The following CHRM5 variants were observed in gnomAD, a reference collection of about 807,000 sequenced individuals.
The protein encoded by CHRM5 is muscarinic acetylcholine receptor M5.
Under a neutral mutation model 39.0 loss-of-function variants are expected in CHRM5, and 18 were observed. That is an observed-to-expected ratio of 0.46 (90% CI 0.32 to 0.68). The LOEUF (loss-of-function observed/expected upper bound fraction) is 0.68. Ranked by LOEUF, CHRM5 falls within the 30% of genes least tolerant of loss-of-function variation. The probability of loss-of-function intolerance (pLI) is 0.04; values close to 1 mark genes in which losing one functional copy is unlikely to be tolerated. For missense variants in CHRM5, 515 were observed against 651.1 expected (o/e 0.79, Z 2.28); for synonymous variants, 241 against 246.3 (o/e 0.98, Z 0.20).
intron 2 of CHRM5, among the ~76,000 whole-genome samples, chr15:34,052,724 G>A (rs1386143727): frequency 3.3e-5 from 5 of 152,068 alleles, no homozygotes; most frequent in South Asian, 2.1e-4. Context: ...GAGCCAAATC[G>A]TGAATGAATT....
chr15:34,004,192 AG>A (rs1188815588), intron 1 of CHRM5, among the ~76,000 whole-genome samples: 1 of 152,264 alleles, frequency 6.6e-6, no homozygotes, highest in Non-Finnish European at 1.5e-5. Context: ...GGTATAAAAA[AG>A]TTCCCTGTAT....
chr15:34,041,591 T>C (rs1013869766), intron 1 of CHRM5, among the ~76,000 whole-genome samples: 2 of 152,230 alleles, frequency 1.3e-5, no homozygotes, highest in African/African-American at 4.8e-5. Context: ...TACTTTCAAC[T>C]AGTCAGTGTA....
intron 1 of CHRM5, chr15:33,972,022 C>T (rs1022196466): frequency 6.6e-6 from 1 of 152,088 alleles, no homozygotes; most frequent in Middle Eastern, 3.2e-3. Flanking sequence ...CAAGTCATAT[C>T]ACCAAGACAC....
chr15:33,987,867 C>A (rs1007280987), intron 1 of CHRM5, among the ~76,000 whole-genome samples: 2 of 152,204 alleles, frequency 1.3e-5, no homozygotes, highest in African/African-American at 4.8e-5. Context: ...AGCTTTCTGG[C>A]CCCATGGAAA....
At chr15:34,054,356 C>A (rs779990497) in intron 2 of CHRM5, among the ~76,000 whole-genome samples, 1 of 152,158 alleles carries the variant, frequency 6.6e-6, no homozygotes. Flanking sequence ...ATAAATCATT[C>A]TATCATAAAG....
intron 2 of CHRM5, among the ~76,000 whole-genome samples, chr15:34,047,171 G>A (rs935918870): frequency 2.6e-5 from 4 of 151,110 alleles, no homozygotes; most frequent in Non-Finnish European, 5.9e-5. Flanking sequence ...TCCGCCTCCC[G>A]GGTTCACGCC....
At chr15:34,011,704 T>C (rs1056972899) in intron 1 of CHRM5, among the ~76,000 whole-genome samples, 1 of 152,056 alleles carries the variant, frequency 6.6e-6, no homozygotes, top group Non-Finnish European at 1.5e-5. Flanking sequence ...CTCACAGGCC[T>C]CTCATTCCAT....
chr15:34,001,327 T>G (rs1029803258), intron 1 of CHRM5, among the ~76,000 whole-genome samples: 2 of 152,192 alleles, frequency 1.3e-5, no homozygotes, highest in Non-Finnish European at 2.9e-5. Flanking sequence ...CAGCCTGGAC[T>G]AGAATTTTTA....
At position 33,983,170 on chromosome 15, in the gene CHRM5, GTATA is replaced by G. The variant is rs1555512775; in HGVS notation, c.-408+14025_-408+14028del. Among the ~76,000 whole-genome samples, 97 of 126,602 alleles carry G rather than the reference GTATA, an allele frequency of 7.7e-4. 1 individual carries two copies. Among genetic ancestry groups the G allele is most frequent in the Non-Finnish European group, 7.1e-4 (43 of 60,350 alleles). 83.1% of individuals were successfully genotyped at this position (126,602 alleles called of 152,430 possible). A position where few individuals can be genotyped will look rare whatever the true frequency, so the allele number is the denominator to read the frequency against. On this transcript the variant is annotated intron_variant, in intron 1 of 2. Coordinates refer to ENST00000383263, the MANE Select transcript of CHRM5 (RefSeq NM_012125.4). ...TGTGTGTGTGTGTGTATGTGTGTGTGTATATATACACACGTGTGTGTATGTGTGT... is the reference window on the plus strand; with the variant it reads ...TGTGTGTGTGTGTGTATGTGTGTGTGTATACACACGTGTGTGTATGTGTGT...
In CHRM5 at chr15:34,066,105, T is replaced by C. The variant is rs1900503914; in HGVS notation, c.*1789T>C. The C allele has an allele frequency of 6.6e-6, 1 of 152,230 alleles. No homozygotes were observed. Among genetic ancestry groups the C allele is most frequent in the African/African-American group, 2.4e-5 (1 of 41,452 alleles). 9.4% of individuals were successfully genotyped at this position (152,230 alleles called of 1,614,324 possible). ...CCCTTATAAAGACTTCACGTTGACA[T>C]GAAACATCTTGTAAGCAGTGCATCT... On this transcript the variant is annotated 3_prime_UTR_variant, in exon 3 of 3. Coordinates refer to ENST00000383263, the MANE Select transcript of CHRM5 (RefSeq NM_012125.4).
intron 1 of CHRM5, among the ~76,000 whole-genome samples, chr15:34,044,257 C>T (rs1899599447): frequency 6.6e-6 from 1 of 152,148 alleles, no homozygotes; most frequent in Non-Finnish European, 1.5e-5. Context: ...GCCTTTTGTG[C>T]CCACCACTTC....
chr15:34,039,284 G>T (rs1286129296), intron 1 of CHRM5: 3 of 177,466 alleles, frequency 1.7e-5, no homozygotes, highest in Non-Finnish European at 3.4e-5. Context: ...ACCGCTGGGA[G>T]CTGGAAGTGG....
At chr15:33,973,737 G>C (rs1416923004) in intron 1 of CHRM5, among the ~76,000 whole-genome samples, 5 of 152,112 alleles carry the variant, frequency 3.3e-5, no homozygotes, top group Non-Finnish European at 7.4e-5. Context: ...TCTGACATAC[G>C]AAATTGCATT....
Position 34,066,826 on chromosome 15 carries a change from G to A in CHRM5, c.*2510G>A, listed in dbSNP as rs200104019. On this transcript the variant is annotated 3_prime_UTR_variant, in exon 3 of 3. Transcript: ENST00000383263. ...CAAGACCCTGCCTCAAAAAAAAAAA[G>A]AGAGAGAGAGAGGTCAATGCTTCTT... 4 of 52,674 alleles carry A rather than the reference G, an allele frequency of 7.6e-5. No individual in the cohort carries two copies. Among genetic ancestry groups the A allele is most frequent in the East Asian group, 6.9e-4 (1 of 1,444 alleles). 3.3% of individuals were successfully genotyped at this position (52,674 alleles called of 1,614,324 possible). A position where few individuals can be genotyped will look rare whatever the true frequency, so the allele number is the denominator to read the frequency against.
intron 1 of CHRM5, among the ~76,000 whole-genome samples, chr15:34,013,734 C>G (rs1416339518): frequency 1.3e-5 from 2 of 152,058 alleles, no homozygotes; most frequent in African/African-American, 4.8e-5. Flanking sequence ...AAAACATCAC[C>G]AATGGGGGAG....
chr15:34,059,086 A>G (rs566383721), intron 2 of CHRM5, among the ~76,000 whole-genome samples: 1 of 149,554 alleles, frequency 6.7e-6, no homozygotes, highest in East Asian at 1.9e-4. Flanking sequence ...TAGTAGAGAC[A>G]GGGTTTCATC....
intron 1 of CHRM5, among the ~76,000 whole-genome samples, chr15:34,033,609 A>G (rs1898967488): frequency 6.6e-6 from 1 of 152,146 alleles, no homozygotes; most frequent in African/African-American, 2.4e-5. Flanking sequence ...GTAGAGTTAT[A>G]TAACATTTTT....
In CHRM5 at chr15:34,062,659, G is replaced by A. The variant is rs1900381674; in HGVS notation, c.-59G>A. The A allele has an allele frequency of 2.0e-6, 3 of 1,511,806 alleles. No individual in the cohort carries two copies. Among genetic ancestry groups the A allele is most frequent in the African/African-American group, 2.8e-5 (2 of 72,036 alleles). 93.6% of individuals were successfully genotyped at this position (1,511,806 alleles called of 1,614,324 possible). On this transcript the variant is annotated 5_prime_UTR_variant, in exon 3 of 3. Transcript: ENST00000383263. ...CTCTTCCAGATGCTGGCCAAGAAGA[G>A]CTGAAATAGAAAACAGCCTAGAACC...
intron 1 of CHRM5, among the ~76,000 whole-genome samples, chr15:33,982,697 A>T (rs1052069235): frequency 1.3e-5 from 2 of 152,208 alleles, no homozygotes; most frequent in African/African-American, 4.8e-5. Flanking sequence ...TGGCATTTCC[A>T]AGAACAGCAG....
Sources: gnomAD v4.1 joint callset for allele counts (sites outside exome capture counted in the v4.1 genomes callset) on GRCh38, gnomAD v4.1.1 for gene constraint, MANE v1.5 for transcripts, NCBI Gene and HGNC (gene_info 2026-07-23, HGNC 2026-07-21) for gene names.